Variants in GRID2 observed in about 807,000 individuals in gnomAD.
GRID2 encodes glutamate ionotropic receptor delta type subunit 2.
Under a neutral mutation model 114.8 loss-of-function variants are expected in GRID2, and 33 were observed. The observed-to-expected ratio is 0.29, with a 90% CI of 0.22 to 0.38. The LOEUF (loss-of-function observed/expected upper bound fraction) is 0.38. Ranked by LOEUF, GRID2 falls within the 10% of genes least tolerant of loss-of-function variation. The pLI, the probability that GRID2 is intolerant of heterozygous loss-of-function variation, is 1.00. For missense variants in GRID2, 1,184 were observed against 1,257.7 expected, an observed-to-expected ratio of 0.94 and a Z score of 0.89; for synonymous variants, 505 against 449.9, an observed-to-expected ratio of 1.12 and a Z score of -1.55.
chr4:93,213,661 T>C (rs1400759560), intron 5 of GRID2, among the ~76,000 whole-genome samples: 4 of 152,188 alleles, frequency 2.6e-5, no homozygotes, highest in Non-Finnish European at 5.9e-5. Flanking sequence ...GAGAGTCTTT[T>C]CTTCCCACAA....
At chr4:92,698,153 T>C (rs992137575) in intron 2 of GRID2, among the ~76,000 whole-genome samples, 17 of 152,258 alleles carry the variant, frequency 1.1e-4, no homozygotes, top group African/African-American at 3.8e-4. Context: ...TCTGTCTAAA[T>C]GCTGCCTAAG....
intron 2 of GRID2, among the ~76,000 whole-genome samples, chr4:92,939,813 T>G (rs1397904795): frequency 6.8e-6 from 1 of 147,506 alleles, no homozygotes; most frequent in African/African-American, 2.4e-5. Flanking sequence ...CACCATTAAT[T>G]AAATAGGGAA....
intron 1 of GRID2, among the ~76,000 whole-genome samples, chr4:92,520,817 C>A (rs1052531317): frequency 1.3e-5 from 2 of 151,876 alleles, no homozygotes; most frequent in Non-Finnish European, 1.5e-5. Context: ...GTGTCTCAAT[C>A]AACATAGAAG....
At chr4:93,291,079 G>A (rs1377713383) in intron 8 of GRID2, among the ~76,000 whole-genome samples, 5 of 151,906 alleles carry the variant, frequency 3.3e-5, no homozygotes, top group South Asian at 2.1e-4. Flanking sequence ...GGGTTTCACC[G>A]TGTTAGCCAG....
chr4:92,673,228 T>A (rs1164189170), intron 2 of GRID2, among the ~76,000 whole-genome samples: 4 of 152,168 alleles, frequency 2.6e-5, no homozygotes, highest in African/African-American at 9.6e-5. Flanking sequence ...AAATTTATCT[T>A]TCACTTACTA....
intron 1 of GRID2, among the ~76,000 whole-genome samples, chr4:92,458,703 G>A (rs1372485162): frequency 6.6e-6 from 1 of 151,986 alleles, no homozygotes; most frequent in Non-Finnish European, 1.5e-5. Context: ...AAAGATAATT[G>A]TCATTTTTCT....
chr4:93,200,594 A>AAAAAAAC (rs1341016972), intron 4 of GRID2, among the ~76,000 whole-genome samples: 84 of 126,406 alleles, frequency 6.6e-4, no homozygotes, highest in Admixed American at 1.9e-3. Context: ...AACAAACAAA[A>AAAAAAAC]AAACATTACA....
At chr4:93,513,135 C>A (rs897393728) in intron 12 of GRID2, among the ~76,000 whole-genome samples, 2 of 152,130 alleles carry the variant, frequency 1.3e-5, no homozygotes, top group African/African-American at 4.8e-5. Flanking sequence ...TGGTGACCTG[C>A]AATATGGGCT....
intron 1 of GRID2, among the ~76,000 whole-genome samples, chr4:92,311,819 T>C (rs1371727512): frequency 6.6e-6 from 1 of 152,084 alleles, no homozygotes; most frequent in African/African-American, 2.4e-5. Flanking sequence ...GAATTTACTC[T>C]GTATGAAGCA....
chr4:93,325,230 T>A (rs967091384), intron 8 of GRID2, among the ~76,000 whole-genome samples: 10 of 152,170 alleles, frequency 6.6e-5, no homozygotes, highest in African/African-American at 2.4e-4. Context: ...GATTCTGGTA[T>A]GTTATGTCTT....
At chr4:93,582,340 T>C (rs1468618741) in intron 13 of GRID2, among the ~76,000 whole-genome samples, 2 of 152,140 alleles carry the variant, frequency 1.3e-5, no homozygotes, top group Admixed American at 6.6e-5. Flanking sequence ...TAGGCCCAAC[T>C]GGATCATCCC....
intron 2 of GRID2, among the ~76,000 whole-genome samples, chr4:92,639,690 C>T (rs921481621): frequency 3.3e-5 from 5 of 151,586 alleles, no homozygotes; most frequent in African/African-American, 9.7e-5. Context: ...ATGGATACGA[C>T]GTGGATTATT....
intron 2 of GRID2, among the ~76,000 whole-genome samples, chr4:92,603,412 T>G (rs903073898): frequency 2.0e-5 from 3 of 152,068 alleles, no homozygotes; most frequent in African/African-American, 7.2e-5. Flanking sequence ...AACCATTTGA[T>G]CTTAAACAAA....
At chr4:92,814,379 A>T (rs1021189211) in intron 2 of GRID2, among the ~76,000 whole-genome samples, 3 of 152,134 alleles carry the variant, frequency 2.0e-5, no homozygotes, top group Non-Finnish European at 4.4e-5. Flanking sequence ...TTATAAGGAG[A>T]AACCATTGCC....
intron 13 of GRID2, among the ~76,000 whole-genome samples, chr4:93,549,504 A>G (rs559061854): frequency 1.2e-4 from 19 of 152,342 alleles, no homozygotes; most frequent in Admixed American, 3.3e-4. Flanking sequence ...ATCGTGTTTC[A>G]TATGGCATAC....
intron 1 of GRID2, among the ~76,000 whole-genome samples, chr4:92,491,546 T>C (rs912906466): frequency 2.0e-5 from 3 of 152,190 alleles, no homozygotes; most frequent in African/African-American, 7.2e-5. Context: ...TCTCTTTCCC[T>C]TGCCATTTGA....
At chr4:92,810,241 T>A (rs577359523) in intron 2 of GRID2, among the ~76,000 whole-genome samples, 1 of 152,066 alleles carries the variant, frequency 6.6e-6, no homozygotes, top group East Asian at 1.9e-4. Context: ...ATTTTTAGGA[T>A]GCACTTTTTT....
intron 8 of GRID2, among the ~76,000 whole-genome samples, chr4:93,281,678 G>A (rs947530494): frequency 2.0e-5 from 3 of 151,964 alleles, no homozygotes; most frequent in Non-Finnish European, 2.9e-5. Flanking sequence ...ATAGTTGGCT[G>A]AGTATTTTCT....
In GRID2 at chr4:93,719,589, G is replaced by A. The variant is rs567091007; in HGVS notation, c.2361-49621G>A. Among the ~76,000 whole-genome samples the A allele has an allele frequency of 2.6e-5, 4 of 152,118 alleles. No homozygotes were observed. The East Asian group carries it at 7.7e-4, about 29-fold the overall frequency. On this transcript the variant is annotated intron_variant, in intron 14 of 15. Transcript: ENST00000282020. ...ATTTTCAAACAATGAAAAATTACAA[G>A]GCATCAATCAGATCCATAGGGAAAT...
Sources: allele counts gnomAD v4.1 joint callset (sites outside exome capture counted in the v4.1 genomes callset), GRCh38; gene constraint gnomAD v4.1.1; transcripts MANE v1.5; gene names NCBI Gene and HGNC (gene_info 2026-07-23, HGNC 2026-07-21).